Variants in DAB1 observed in about 807,000 individuals in gnomAD.
DAB1 encodes the protein DAB adaptor protein 1, also known as disabled homolog 1.
DAB1 carries 15 observed loss-of-function variants against 64.6 expected under a neutral mutation model. That is an observed-to-expected ratio of 0.23 (90% confidence interval 0.16 to 0.36). The LOEUF (loss-of-function observed/expected upper bound fraction) is 0.36, where lower values mean the gene tolerates loss of function less well. DAB1 is among the 10% of genes least tolerant of loss of function. DAB1 has a pLI of 1.00. For synonymous variants in DAB1, 235 were observed against 251.9 expected (o/e 0.93, Z 0.64); for missense variants, 596 against 706.7 (o/e 0.84, Z 1.78).
intron 2 of DAB1, among the ~76,000 whole-genome samples, chr1:57,181,926 C>T (rs1043933439): frequency 6.6e-6 from 1 of 152,188 alleles, no homozygotes; most frequent in African/African-American, 2.4e-5. Context: ...CGCTCTGTCA[C>T]CCAGGCTGCA....
chr1:58,295,648 T>C (rs112920867), intron 4 of DAB1, among the ~76,000 whole-genome samples: 33 of 152,322 alleles, frequency 2.2e-4, no homozygotes, highest in African/African-American at 1.7e-4. Context: ...AGAGATTTTT[T>C]TGTTTGTTTT....
At chr1:58,249,033 C>A (rs1660680084) in intron 4 of DAB1, among the ~76,000 whole-genome samples, 1 of 152,112 alleles carries the variant, frequency 6.6e-6, no homozygotes, top group Admixed American at 6.5e-5. Flanking sequence ...AGGCGATTTA[C>A]AGGCAAGAGC....
intron 4 of DAB1, among the ~76,000 whole-genome samples, chr1:58,277,037 C>CTTT (rs869207396): frequency 6.3e-5 from 5 of 79,682 alleles, no homozygotes; most frequent in South Asian, 4.4e-4. Context: ...CTTTTTTTTT[C>CTTT]TTTTTTTTTT....
chr1:57,976,609 G>A (rs1388880641), intron 5 of DAB1, among the ~76,000 whole-genome samples: 10 of 152,142 alleles, frequency 6.6e-5, no homozygotes, highest in Admixed American at 4.6e-4. Context: ...AAGCGGGAAG[G>A]AGAGGAGGGA....
chr1:58,118,521 CATATATATATATAAAAT>C (rs1557657829), intron 5 of DAB1, among the ~76,000 whole-genome samples: 6 of 98,950 alleles, frequency 6.1e-5, no homozygotes, highest in African/African-American at 2.3e-4. Flanking sequence ...CACACACACA[CATATATATATATAAAAT>C]ACATATATAT....
intron 4 of DAB1, among the ~76,000 whole-genome samples, chr1:57,096,771 C>G (rs1654206433): frequency 6.6e-6 from 1 of 152,180 alleles, no homozygotes; most frequent in African/African-American, 2.4e-5. Flanking sequence ...CTGCATTGTT[C>G]ACTACTATAT....
intron 2 of DAB1, among the ~76,000 whole-genome samples, chr1:57,170,611 A>G (rs1381914706): frequency 1.3e-5 from 2 of 152,154 alleles, no homozygotes; most frequent in Non-Finnish European, 2.9e-5. Context: ...TTTCCCAGCT[A>G]GAAGCTTGGC....
chr1:57,560,010 G>A, intron 7 of DAB1, among the ~76,000 whole-genome samples: 1 of 152,242 alleles, frequency 6.6e-6, no homozygotes, highest in East Asian at 1.9e-4. Flanking sequence ...GCTTAACCAA[G>A]TGATGACTCC....
At chr1:58,184,513 C>T (rs917193098) in intron 4 of DAB1, among the ~76,000 whole-genome samples, 1 of 151,994 alleles carries the variant, frequency 6.6e-6, no homozygotes, top group Non-Finnish European at 1.5e-5. Flanking sequence ...GAAAAGTAAA[C>T]GTCTCTGCTC....
intron 3 of DAB1, among the ~76,000 whole-genome samples, chr1:58,459,524 T>C (rs1645222603): frequency 6.6e-6 from 1 of 152,120 alleles, no homozygotes; most frequent in Admixed American, 6.5e-5. Context: ...CTCTTAAGAA[T>C]GGCAACTGGC....
At chr1:57,522,466 C>T (rs1362620525) in intron 7 of DAB1, among the ~76,000 whole-genome samples, 1 of 152,120 alleles carries the variant, frequency 6.6e-6, no homozygotes, top group Non-Finnish European at 1.5e-5. Context: ...TTAGTTTGTT[C>T]TCACACTGCT....
intron 7 of DAB1, among the ~76,000 whole-genome samples, chr1:57,454,670 G>T (rs546899090): frequency 4.5e-4 from 68 of 152,108 alleles, no homozygotes; most frequent in African/African-American, 1.6e-3. Context: ...TTTTTAAAAA[G>T]TGGAGTTATA....
At chr1:57,550,928 C>T (rs1464931856) in intron 7 of DAB1, among the ~76,000 whole-genome samples, 1 of 152,138 alleles carries the variant, frequency 6.6e-6, no homozygotes, top group African/African-American at 2.4e-5. Context: ...TACTTATATA[C>T]AGTAATTAGT....
At chr1:57,535,366 T>C (rs933981404) in intron 7 of DAB1, among the ~76,000 whole-genome samples, 2 of 152,184 alleles carry the variant, frequency 1.3e-5, no homozygotes, top group African/African-American at 4.8e-5. Context: ...CATGAACTAA[T>C]GAATGATTTA....
At chr1:57,405,017 A>T (rs1395905278) in intron 1 of DAB1, among the ~76,000 whole-genome samples, 2 of 152,220 alleles carry the variant, frequency 1.3e-5, no homozygotes, top group Non-Finnish European at 2.9e-5. Context: ...CTGGTTTGAA[A>T]TGTGCATATT....
At chr1:58,348,976 G>A (rs1438702853) in intron 3 of DAB1, among the ~76,000 whole-genome samples, 1 of 152,198 alleles carries the variant, frequency 6.6e-6, no homozygotes, top group Non-Finnish European at 1.5e-5. Context: ...CATGAAAAAG[G>A]TGAGCTCAGA....
At chr1:57,903,921 G>C (rs2101998727) in intron 5 of DAB1, among the ~76,000 whole-genome samples, 1 of 152,310 alleles carries the variant, frequency 6.6e-6, no homozygotes, top group Admixed American at 6.5e-5. Context: ...TATTAGCTTG[G>C]ACTTTACATA....
chr1:57,300,457 A>T (rs1225658218), intron 1 of DAB1, among the ~76,000 whole-genome samples: 2 of 152,152 alleles, frequency 1.3e-5, no homozygotes, highest in Non-Finnish European at 2.9e-5. Context: ...AGAAGAGGAG[A>T]TCCTTGAACT....
chr1:58,296,193 AAGAG>A (rs770800623), intron 4 of DAB1, among the ~76,000 whole-genome samples: 1 of 101,770 alleles, frequency 9.8e-6, no homozygotes, highest in African/African-American at 3.6e-5. Context: ...AAGAGAAAGA[AAGAG>A]AAAGAAAGAA....
Sources: allele counts gnomAD v4.1 joint callset (sites outside exome capture counted in the v4.1 genomes callset), GRCh38; gene constraint gnomAD v4.1.1; transcripts MANE v1.5; gene names NCBI Gene and HGNC (gene_info 2026-07-23, HGNC 2026-07-21).